The following CSMD1 variants were observed in gnomAD, a reference collection of about 807,000 sequenced individuals.
CSMD1 encodes the protein CUB and sushi domain-containing protein 1.
CSMD1 carries 213 observed loss-of-function variants against 417.5 expected under a neutral mutation model. The observed-to-expected ratio is 0.51, with a 90% CI of 0.46 to 0.57. CSMD1 has a LOEUF of 0.57. CSMD1 is among the 20% of genes least tolerant of loss of function. The pLI is 0.00. For synonymous variants in CSMD1, 2,862 were observed against 1,736.8 expected, an observed-to-expected ratio of 1.65 and a Z score of -16.11; for missense variants, 6,923 against 4,529.7, an observed-to-expected ratio of 1.53 and a Z score of -15.17.
chr8:3,468,610 G>C (rs1816915973), intron 12 of CSMD1, 102 bp downstream of exon 12: 6 of 649,382 alleles, frequency 9.2e-6, no homozygotes, highest in South Asian at 5.8e-5. Context: ...TATCAGCATT[G>C]TTTGACTTGT....
intron 11 of CSMD1, among the ~76,000 whole-genome samples, chr8:3,474,202 A>G (rs1817277021): frequency 6.6e-6 from 1 of 152,166 alleles, no homozygotes; most frequent in Non-Finnish European, 1.5e-5. Flanking sequence ...TGTGAGGTTT[A>G]TTGGCATTAG....
At chr8:3,310,086 T>A (rs1566747) in intron 23 of CSMD1, among the ~76,000 whole-genome samples, 12,620 of 152,088 alleles carry the variant, frequency 0.083, 672 homozygotes, top group Non-Finnish European at 0.12. Context: ...CAAAGGGATA[T>A]GCTAAATGTC....
At chr8:3,400,174 T>C (rs12543159) in intron 15 of CSMD1, among the ~76,000 whole-genome samples, 79,068 of 151,974 alleles carry the variant, frequency 0.52, 20,967 homozygotes, top group Middle Eastern at 0.61. Flanking sequence ...GTGAAAGTGA[T>C]TATGCATACC....
intron 46 of CSMD1, among the ~76,000 whole-genome samples, chr8:3,099,376 AAGCTC>A (rs1252843804): frequency 6.6e-6 from 1 of 152,162 alleles, no homozygotes; most frequent in Non-Finnish European, 1.5e-5. Context: ...CTCATTTTGT[AAGCTC>A]AGGGCTGCCT....
At chr8:3,185,631 G>A (rs541596664) in intron 36 of CSMD1, among the ~76,000 whole-genome samples, 1 of 152,160 alleles carries the variant, frequency 6.6e-6, no homozygotes, top group Non-Finnish European at 1.5e-5. Flanking sequence ...ATAGTTACTC[G>A]AGGGAAGGCT....
chr8:3,955,556 A>C (rs1811884214), intron 5 of CSMD1, among the ~76,000 whole-genome samples: 1 of 152,144 alleles, frequency 6.6e-6, no homozygotes, highest in Non-Finnish European at 1.5e-5. Context: ...GTCTGAAAAA[A>C]TGTTTACATA....
intron 20 of CSMD1, among the ~76,000 whole-genome samples, chr8:3,362,493 C>A (rs1411151363): frequency 6.6e-6 from 1 of 152,176 alleles, no homozygotes; most frequent in Non-Finnish European, 1.5e-5. Flanking sequence ...ATGCCACTCT[C>A]CTCCTAACTC....
intron 3 of CSMD1, among the ~76,000 whole-genome samples, chr8:4,049,856 C>G (rs999811870): frequency 2.6e-5 from 4 of 152,132 alleles, no homozygotes; most frequent in Admixed American, 2.6e-4. Context: ...TTCTTCTTCA[C>G]TAAAGTCTTA....
In CSMD1 at chr8:2,966,631, C is replaced by T. The variant is rs1207423545; in HGVS notation, c.9039G>A (p.Gly3013=). ...TGGCTGTGCAATGCCGTGTCATGAG[C>T]CCTGAGGTCTTGTAGCCTTCCCAGC... ...YACWEGYKTS[G]LMTRHCTANG... The change falls in exon 58 of 70, where the codon GGG becomes GGA. Residue 3013 remains glycine (G), a synonymous_variant. Coordinates refer to ENST00000635120, the MANE Select transcript of CSMD1 (RefSeq NM_033225.6). 1.2e-6 allele frequency: 2 copies of T among 1,613,596 alleles called. No individual in the cohort carries two copies. Among genetic ancestry groups the T allele is most frequent in the Non-Finnish European group, 1.7e-6 (2 of 1,179,798 alleles).
chr8:4,631,213 T>G (rs796324474), intron 2 of CSMD1, among the ~76,000 whole-genome samples: 21 of 151,846 alleles, frequency 1.4e-4, no homozygotes, highest in African/African-American at 5.1e-4. Context: ...AATACAAAAA[T>G]TAGCCAGGAG....
At chr8:4,768,141 G>A (rs964962479) in intron 1 of CSMD1, among the ~76,000 whole-genome samples, 8 of 151,978 alleles carry the variant, frequency 5.3e-5, no homozygotes, top group African/African-American at 1.9e-4. Flanking sequence ...AGATGTTTTG[G>A]AAAACAAAAC....
intron 7 of CSMD1, among the ~76,000 whole-genome samples, chr8:3,649,743 A>G (rs116857025): frequency 0.051 from 7,722 of 152,258 alleles, 254 homozygotes; most frequent in South Asian, 0.085. Context: ...GGGGACACAA[A>G]GCCTAACCAT....
intron 5 of CSMD1, among the ~76,000 whole-genome samples, chr8:3,888,578 C>T (rs1806726195): frequency 1.3e-5 from 2 of 152,140 alleles, no homozygotes; most frequent in African/African-American, 2.4e-5. Context: ...GAAAGCTGAG[C>T]TAATAATGGC....
intron 3 of CSMD1, among the ~76,000 whole-genome samples, chr8:4,190,843 C>T (rs1022833034): frequency 2.0e-5 from 3 of 151,544 alleles, no homozygotes; most frequent in Non-Finnish European, 4.4e-5. Context: ...CAAACTGATG[C>T]AGGAACAGAA....
intron 1 of CSMD1, among the ~76,000 whole-genome samples, chr8:4,862,325 G>A (rs764445769): frequency 1.2e-4 from 18 of 152,062 alleles, no homozygotes; most frequent in Non-Finnish European, 1.9e-4. Context: ...TGAATGAGAT[G>A]GAAAATTATT....
At chr8:3,291,784 G>C (rs1056618160) in intron 25 of CSMD1, among the ~76,000 whole-genome samples, 2 of 151,048 alleles carry the variant, frequency 1.3e-5, no homozygotes, top group Non-Finnish European at 2.9e-5. Flanking sequence ...TCAGCTCCTG[G>C]ATTCATTGAC....
chr8:4,446,761 G>GTA (rs1290753621), intron 2 of CSMD1, among the ~76,000 whole-genome samples: 2 of 69,014 alleles, frequency 2.9e-5, no homozygotes, highest in Non-Finnish European at 5.2e-5. Context: ...GTGTCTGTGT[G>GTA]TGTGTGTGTG....
intron 3 of CSMD1, among the ~76,000 whole-genome samples, chr8:4,418,425 T>C (rs1008726736): frequency 1.3e-5 from 2 of 152,162 alleles, no homozygotes; most frequent in African/African-American, 2.4e-5. Context: ...GAATTATTCA[T>C]ATAGTGATTT....
At chr8:4,969,011 C>T (rs895212961) in intron 1 of CSMD1, among the ~76,000 whole-genome samples, 5 of 152,148 alleles carry the variant, frequency 3.3e-5, no homozygotes, top group Non-Finnish European at 4.4e-5. Context: ...AAGATACTGT[C>T]GCTTCTGGAA....
Sources: allele counts gnomAD v4.1 joint callset (sites outside exome capture counted in the v4.1 genomes callset), GRCh38; gene constraint gnomAD v4.1.1; transcripts MANE v1.5; gene names NCBI Gene and HGNC (gene_info 2026-07-23, HGNC 2026-07-21).